LCOR: variants seen among roughly 807,000 people sequenced by gnomAD.
LCOR encodes ligand dependent nuclear receptor corepressor, also known as ligand-dependent corepressor.
A neutral mutation model predicts 64.4 loss-of-function variants in LCOR; 14 were observed. The ratio of observed to expected loss-of-function variants is 0.22; its 90% CI spans 0.14 to 0.34. LCOR has a LOEUF of 0.34. Among genes scored for constraint, LCOR ranks in the 10% least tolerant of loss-of-function variants. LCOR has a pLI of 1.00. For synonymous variants in LCOR, 643 were observed against 642.5 expected (o/e 1.00, Z -0.01); for missense variants, 1,686 against 1,765.3 (o/e 0.96, Z 0.80).
rs142448790 is a variant in LCOR, at chr10:96,982,324, G to A, written c.1864G>A (p.Ala622Thr). Residue 622 changes from alanine to threonine, a missense_variant, in exon 8 of 8, where the codon GCT becomes ACT. Transcript: ENST00000421806. ...TASSLVWPLP[A>T]HLPEEDLPEG... ...CTCCAGCCTGGTGTGGCCTCTCCCT[G>A]CTCACCTTCCTGAAGAGGACCTGCC... The A allele has an allele frequency of 5.4e-4, 878 of 1,614,190 alleles. 7 individuals are homozygous for A. The East Asian group carries it at 0.015, about 27-fold the overall frequency.
intron 7 of LCOR, chr10:96,956,239 TTG>T: frequency 4.8e-6 from 5 of 1,032,744 alleles, no homozygotes; most frequent in South Asian, 4.4e-5. Flanking sequence ...TTGTTTTTTT[TTG>T]TTGTTGTTGT....
In LCOR at chr10:96,993,933, G is replaced by A. The variant is rs756140643; in HGVS notation, c.*8799G>A. The A allele has an allele frequency of 2.6e-5, 4 of 151,980 alleles. No homozygotes were observed. The highest frequency in any genetic ancestry group is 6.6e-5 in the Admixed American group (1 of 15,266). The allele number at this position is 151,980 out of a possible 1,614,324, so 9.4% of individuals were successfully genotyped here. On this transcript the variant is annotated 3_prime_UTR_variant, in exon 8 of 8. Coordinates refer to ENST00000421806, the MANE Select transcript of LCOR (RefSeq NM_001346516.2). ...CCCTTGTCTCAGAGGATAGGGTGGG[G>A]GTAGAACAGCTCTTGCTAAGACCTC...
At chr10:96,868,031 T>C (rs1219343472) in intron 2 of LCOR, among the ~76,000 whole-genome samples, 1 of 148,118 alleles carries the variant, frequency 6.8e-6, no homozygotes, top group African/African-American at 2.5e-5. Flanking sequence ...ATTACAGGCA[T>C]GCACCACCGT....
Position 96,984,375 on chromosome 10 carries a change from C to T in LCOR, c.3915C>T (p.Ala1305=), listed in dbSNP as rs1247166396. 1 of 1,614,174 alleles carries T rather than the reference C, an allele frequency of 6.2e-7. No homozygotes were observed. The highest frequency in any genetic ancestry group is 2.2e-5 in the East Asian group (1 of 44,888). ...CTCCAGCAAACCTGCCCACTCCAGC[C>T]AGTACCCGGATTCTTAGAAAATATT... is the stretch of plus-strand genomic sequence containing the variant. ...SHPPANLPTP[A]STRILRKYSN... The change falls in exon 8 of 8, where the codon GCC becomes GCT. Residue 1305 remains alanine, a synonymous_variant. Transcript: ENST00000421806.
chr10:96,981,015 C>A lies in LCOR; in HGVS notation c.555C>A (p.Thr185=), dbSNP rs1370885174. The A allele has an allele frequency of 7.1e-6, 5 of 702,876 alleles. No homozygotes were observed. The highest frequency in any genetic ancestry group is 1.3e-5 in the Non-Finnish European group (5 of 385,008). 43.5% of individuals were successfully genotyped at this position (702,876 alleles called of 1,614,324 possible). Residue 185 remains threonine, a synonymous_variant, in exon 8 of 8, where the codon ACC becomes ACA. Coordinates refer to ENST00000421806, the MANE Select transcript of LCOR (RefSeq NM_001346516.2). ...ATGCTGGCTGTGCCCAGCTCAGCAC[C>A]AAACATAAGGAAAAAGATGCTCTGT... ...TCNAGCAQLS[T]KHKEKDALCL...
intron 2 of LCOR, among the ~76,000 whole-genome samples, chr10:96,896,801 A>G (rs1396809529): frequency 6.6e-6 from 1 of 152,170 alleles, no homozygotes; most frequent in Non-Finnish European, 1.5e-5. Context: ...AATAGTATAA[A>G]GCTCCCGCAA....
At chr10:96,897,676 GT>G (rs1449487215) in intron 2 of LCOR, among the ~76,000 whole-genome samples, 3 of 151,890 alleles carry the variant, frequency 2.0e-5, no homozygotes, top group East Asian at 3.9e-4. Context: ...TAATACTATT[GT>G]TTTTCAGGAC....
chr10:96,840,737 A>G (rs1845525818), intron 2 of LCOR, among the ~76,000 whole-genome samples: 1 of 152,254 alleles, frequency 6.6e-6, no homozygotes, highest in African/African-American at 2.4e-5. Context: ...TAGAGCTTAA[A>G]GACAAAAAAT....
At chr10:96,835,089 C>T (rs1288099814) in intron 2 of LCOR, among the ~76,000 whole-genome samples, 5 of 152,082 alleles carry the variant, frequency 3.3e-5, no homozygotes, top group South Asian at 2.1e-4. Context: ...TTGGTAGAGA[C>T]GGGGTTTCAC....
rs374708826 is a variant in LCOR, at chr10:96,935,030, C to A, written c.-183-9083C>A. On this transcript the variant is annotated intron_variant, in intron 4 of 7. Transcript: ENST00000421806. ...TTTTGAGTTACAGAAGATTTTGCAT[C>A]TTTTTGTTATTTGCCATACTATACA... Among the ~76,000 whole-genome samples, 7 of 149,380 alleles carry A rather than the reference C, an allele frequency of 4.7e-5. 1 individual carries two copies. The highest frequency in any genetic ancestry group is 1.7e-4 in the African/African-American group (7 of 40,580).
At chr10:96,844,499 T>C (rs1845594579) in intron 2 of LCOR, among the ~76,000 whole-genome samples, 1 of 152,180 alleles carries the variant, frequency 6.6e-6, no homozygotes, top group Non-Finnish European at 1.5e-5. Flanking sequence ...CCCATAATCT[T>C]ACCATAAACA....
chr10:96,970,814 T>A (rs2134554468), intron 7 of LCOR, among the ~76,000 whole-genome samples: 1 of 151,930 alleles, frequency 6.6e-6, no homozygotes, highest in South Asian at 2.1e-4. Context: ...AGACGGGGTT[T>A]TGCCATGTTG....
At chr10:96,971,337 A>G (rs751512573) in intron 7 of LCOR, among the ~76,000 whole-genome samples, 1 of 152,108 alleles carries the variant, frequency 6.6e-6, no homozygotes, top group Non-Finnish European at 1.5e-5. Context: ...ATTTGGGAGA[A>G]TTATTTTCAC....
intron 2 of LCOR, among the ~76,000 whole-genome samples, chr10:96,876,733 A>G (rs1344224593): frequency 6.6e-6 from 1 of 152,048 alleles, no homozygotes; most frequent in Non-Finnish European, 1.5e-5. Context: ...CTTGTTGCCC[A>G]GGCTAGAGTG....
In LCOR at chr10:96,987,357, C is replaced by A. The variant is rs4606419; in HGVS notation, c.*2223C>A. 0.27 allele frequency: 41,038 copies of A among 152,098 alleles called. 8,100 individuals carry two copies. Among genetic ancestry groups the A allele is most frequent in the African/African-American group, 0.56 (23,279 of 41,420 alleles). 9.4% of individuals were successfully genotyped at this position (152,098 alleles called of 1,614,324 possible). On this transcript the variant is annotated 3_prime_UTR_variant, in exon 8 of 8. Transcript: ENST00000421806. ...AAGAGGTGCCCCGTTGGCTGCATAC[C>A]GACTACCTTGTAAGGTGCTTGGATT... is the stretch of plus-strand genomic sequence containing the variant.
chr10:96,852,334 A>G (rs933850388), intron 2 of LCOR, among the ~76,000 whole-genome samples: 14 of 152,120 alleles, frequency 9.2e-5, no homozygotes, highest in Non-Finnish European at 1.6e-4. Flanking sequence ...AGGTGGGAGG[A>G]TTGCTTGAGC....
intron 4 of LCOR, among the ~76,000 whole-genome samples, chr10:96,941,407 A>G (rs28577578): frequency 1.4e-3 from 157 of 110,970 alleles, no homozygotes; most frequent in African/African-American, 4.5e-3. Context: ...CTGGCCGGGC[A>G]GGGGGCTGAC....
At chr10:96,844,781 C>T (rs550453361) in intron 2 of LCOR, among the ~76,000 whole-genome samples, 8 of 152,254 alleles carry the variant, frequency 5.3e-5, no homozygotes, top group African/African-American at 1.4e-4. Context: ...ACTGATTCTA[C>T]GCCTACAGAG....
At chr10:96,909,252 T>C (rs1387653288) in intron 4 of LCOR, among the ~76,000 whole-genome samples, 5 of 152,198 alleles carry the variant, frequency 3.3e-5, no homozygotes, top group African/African-American at 1.2e-4. Context: ...TCTTCTGGAT[T>C]CATTAGCCTA....
Sources: gnomAD v4.1 joint callset for allele counts (sites outside exome capture counted in the v4.1 genomes callset) on GRCh38, gnomAD v4.1.1 for gene constraint, MANE v1.5 for transcripts, NCBI Gene and HGNC (gene_info 2026-07-23, HGNC 2026-07-21) for gene names.